HPS1: variants seen among roughly 807,000 people sequenced by gnomAD.
HPS1 encodes the protein HPS1 biogenesis of lysosomal organelles complex 3 subunit 1.
Under a neutral mutation model 90.6 loss-of-function variants are expected in HPS1, and 59 were observed. The ratio of observed to expected loss-of-function variants is 0.65; its 90% CI spans 0.53 to 0.81. HPS1 has a LOEUF of 0.81. Ranked by LOEUF, HPS1 falls within the 30% of genes least tolerant of loss-of-function variation. The pLI is 0.00. For missense variants in HPS1, 849 were observed against 896.7 expected (o/e 0.95, Z 0.68); for synonymous variants, 388 against 384.4 (o/e 1.01, Z -0.11).
Position 98,417,525 on chromosome 10 carries a change from G to A in HPS1, c.*39C>T, listed in dbSNP as rs1371551006. Reference sequence around the variant, plus strand: ...GGAACAGTGGCAAGCAAGGGTGGCTGGAGGACAGGATGCAAAGGCAGACTG... The same window carrying A: ...GGAACAGTGGCAAGCAAGGGTGGCTAGAGGACAGGATGCAAAGGCAGACTG... On this transcript the variant is annotated 3_prime_UTR_variant, in exon 20 of 20. Coordinates refer to ENST00000361490, the MANE Select transcript of HPS1 (RefSeq NM_000195.5). This position sits in a 1 kb window ranked among gnomAD's most constrained non-coding sequence, Gnocchi z 4.2. 6.3e-7 allele frequency: 1 copy of A among 1,576,288 alleles called. No individual in the cohort carries two copies. The highest frequency in any genetic ancestry group is 1.1e-5 in the South Asian group (1 of 88,268).
Position 98,425,556 on chromosome 10 carries a change from C to T in HPS1, c.1320G>A (p.Gly440=), listed in dbSNP as rs1845489879. 1 of 1,611,808 alleles carries T rather than the reference C, an allele frequency of 6.2e-7. No individual in the cohort carries two copies. The highest frequency in any genetic ancestry group is 1.3e-5 in the African/African-American group (1 of 75,038). The change falls in exon 13 of 20, where the codon GGG becomes GGA. Residue 440 remains glycine (G), a synonymous_variant. Coordinates refer to ENST00000361490, the MANE Select transcript of HPS1 (RefSeq NM_000195.5). ...QRMDKFVKNR[G]AQEIQSTWLE... ...TGGGTCTCACCTGAATCTCCTGTGC[C>T]CCTCGATTCTTGACAAACTTGTCCA... is the stretch of plus-strand genomic sequence containing the variant.
chr10:98,436,490 T>C (rs1847343028), intron 3 of HPS1, among the ~76,000 whole-genome samples: 1 of 152,246 alleles, frequency 6.6e-6, no homozygotes, highest in South Asian at 2.1e-4. Context: ...TTTCCCTCTA[T>C]TTTTAAGTAT....
rs11593787 is a variant in HPS1 at position 98,433,800 on chromosome 10, T to C, written c.507+183A>G. On this transcript the variant is annotated intron_variant, in intron 6 of 19. Coordinates refer to ENST00000361490, the MANE Select transcript of HPS1 (RefSeq NM_000195.5). ...TATCCAGGATCGAGCTGTTTTACCA[T>C]GGGAAAGCCCATCAGGGTACCCAAC... The C allele has an allele frequency of 0.15, 110,238 of 753,826 alleles. 9,040 individuals are homozygous for C. The highest frequency in any genetic ancestry group is 0.2 in the South Asian group (11,467 of 57,046). 46.7% of individuals were successfully genotyped at this position (753,826 alleles called of 1,614,324 possible). A position where few individuals can be genotyped will look rare whatever the true frequency, so the allele number is the denominator to read the frequency against.
At chr10:98,440,720 A>G (rs1011917904) in intron 3 of HPS1, among the ~76,000 whole-genome samples, 5 of 151,176 alleles carry the variant, frequency 3.3e-5, no homozygotes, top group African/African-American at 1.2e-4. Flanking sequence ...AATGTGTTGC[A>G]CATTAACAAA....
chr10:98,420,624 G>A (rs973843041), intron 17 of HPS1, among the ~76,000 whole-genome samples: 1 of 152,144 alleles, frequency 6.6e-6, no homozygotes, highest in Non-Finnish European at 1.5e-5. Flanking sequence ...GCTGAGATGA[G>A]AGGATCGCTT....
chr10:98,441,771 T>A (rs1342874576), intron 3 of HPS1, among the ~76,000 whole-genome samples: 2 of 152,216 alleles, frequency 1.3e-5, no homozygotes, highest in Non-Finnish European at 2.9e-5. Context: ...AAATGAAATT[T>A]AAAACACAGT....
chr10:98,417,654 G>T lies in HPS1; in HGVS notation c.2013C>A (p.His671Gln), dbSNP rs1844269097. 6.2e-7 allele frequency: 1 copy of T among 1,613,840 alleles called. No individual in the cohort carries two copies. Residue 671 changes from histidine to glutamine, a missense_variant, in exon 20 of 20, where the codon CAC becomes CAA. Physicochemically the swap from His to Gln is conservative, Grantham distance 24. Transcript: ENST00000361490. This position sits in a 1 kb window ranked among gnomAD's most constrained non-coding sequence, Gnocchi z 4.2. Reference sequence around the variant, plus strand: ...GCAGGTCAGTGGGGATGACAGACAGGTGCAGGGCCAGCAGCTCGTAGCACC... The same window carrying T: ...GCAGGTCAGTGGGGATGACAGACAGTTGCAGGGCCAGCAGCTCGTAGCACC... ...AVRCYELLALHLSVIPTDLLV... is the reference protein window; with the variant it reads ...AVRCYELLALQLSVIPTDLLV...
In HPS1 at chr10:98,435,385, A is replaced by G. The variant is rs762377415; in HGVS notation, c.285T>C (p.Asn95=). ...LFGECLFIAI[N]GDHTESEGDL... is the part of the protein sequence containing the mutation. ...CCCCCTCGCTCTCGGTGTGGTCACC[A>G]TTGATGGCAATGAACAGGCATTCTC... Residue 95 remains asparagine (N), a synonymous_variant, in exon 5 of 20, where the codon AAT becomes AAC. Coordinates refer to ENST00000361490, the MANE Select transcript of HPS1 (RefSeq NM_000195.5). This position sits in a 1 kb window ranked among gnomAD's most constrained non-coding sequence, Gnocchi z 4.3. The G allele has an allele frequency of 2.5e-6, 4 of 1,614,022 alleles. No homozygotes were observed. Among genetic ancestry groups the G allele is most frequent in the Non-Finnish European group, 3.4e-6 (4 of 1,180,022 alleles).
chr10:98,426,172 G>T, intron 11 of HPS1, 187 bp from the exon 12 acceptor site: 1 of 596,496 alleles, frequency 1.7e-6, no homozygotes, highest in Non-Finnish European at 3.0e-6. Context: ...TCCCTCAGCT[G>T]CTCCTGGGCC....
At chr10:98,426,734 T>G (rs2136164644) in intron 11 of HPS1, among the ~76,000 whole-genome samples, 1 of 139,470 alleles carries the variant, frequency 7.2e-6, no homozygotes. Context: ...AATACACATG[T>G]GTACATATGT....
chr10:98,435,414 A>G lies in HPS1; in HGVS notation c.256T>C (p.Phe86Leu), dbSNP rs1243807298. Residue 86 changes from phenylalanine (F) to leucine (L), a missense_variant and splice_region_variant, in exon 5 of 20, where the codon TTT (phenylalanine) becomes CTT (leucine). Coordinates refer to ENST00000361490, the MANE Select transcript of HPS1 (RefSeq NM_000195.5). This position sits in a 1 kb window ranked among gnomAD's most constrained non-coding sequence, Gnocchi z 4.3. The stretch of plus-strand genomic sequence containing the variant: ...ATGGCAATGAACAGGCATTCTCCAA[A>G]CTGCAGGCACAGGCAGGCCAGTGTC... ...NGNFLYVLHLFGECLFIAING... is the reference protein window; with the variant it reads ...NGNFLYVLHLLGECLFIAING... 6.2e-7 allele frequency: 1 copy of G among 1,613,470 alleles called. No homozygotes were observed. Among genetic ancestry groups the G allele is most frequent in the Non-Finnish European group, 8.5e-7 (1 of 1,179,950 alleles).
downstream of HPS1, chr10:98,414,736 T>A: frequency 2.4e-6 from 1 of 418,328 alleles, no homozygotes; most frequent in Non-Finnish European, 4.2e-6. Flanking sequence ...GCTCACCTAG[T>A]CTTCCTGTCA....
rs761602601 is a variant in HPS1 at position 98,417,773 on chromosome 10, T to C, written c.1941-47A>G. ...GGATTCAGGAGTGAGGCTGTGGCACTCCTCCAGCGCCAGAGGCCTCTCTGG... is the reference window on the plus strand; with the variant it reads ...GGATTCAGGAGTGAGGCTGTGGCACCCCTCCAGCGCCAGAGGCCTCTCTGG... On this transcript the variant is annotated intron_variant, in intron 19 of 19. Coordinates refer to ENST00000361490, the MANE Select transcript of HPS1 (RefSeq NM_000195.5). The surrounding 1 kb of genome is among the most constrained non-coding windows in gnomAD (Gnocchi z 4.2). 5 of 1,581,376 alleles carry C rather than the reference T, an allele frequency of 3.2e-6. No individual in the cohort carries two copies. In the African/African-American group the frequency reaches 6.7e-5, roughly 21 times the overall value.
At chr10:98,422,950 G>C (rs1845085809) in intron 16 of HPS1, among the ~76,000 whole-genome samples, 1 of 152,178 alleles carries the variant, frequency 6.6e-6, no homozygotes, top group Non-Finnish European at 1.5e-5. Flanking sequence ...CATTTGGGAG[G>C]GGAAGAGACA....
At position 98,430,580 on chromosome 10, in the gene HPS1, G is replaced by A. The variant is rs369730473; in HGVS notation, c.759C>T (p.Asp253=). The A allele has an allele frequency of 3.3e-5, 51 of 1,552,762 alleles. No individual in the cohort carries two copies. The highest frequency in any genetic ancestry group is 2.1e-4 in the African/African-American group (15 of 73,148). ...AAAGCTGCCCTGAGACCTGAATGTC[G>A]TCCTCTGCTGTGCTCTCGCTGGGGT... ...DLYPSESTAE[D]DIQPSPRRAR... is the part of the protein sequence containing the mutation. Residue 253 remains aspartate (D), a synonymous_variant, in exon 8 of 20, where the codon GAC becomes GAT. Transcript: ENST00000361490.
chr10:98,423,576 C>A, intron 16 of HPS1, 27 bp downstream of exon 16: 1 of 1,611,986 alleles, frequency 6.2e-7, no homozygotes, highest in African/African-American at 1.3e-5. Flanking sequence ...GCTTGTTGGG[C>A]TGGCTGGGGC....
intron 13 of HPS1, among the ~76,000 whole-genome samples, chr10:98,424,809 T>C (rs1486368278): frequency 6.6e-6 from 1 of 152,088 alleles, no homozygotes; most frequent in Non-Finnish European, 1.5e-5. Flanking sequence ...CTTGGTGTTC[T>C]AGTGAAAGTG....
At chr10:98,414,157 G>A (rs149916942), downstream of HPS1, 20 of 152,000 alleles carry the variant, frequency 1.3e-4, no homozygotes, top group African/African-American at 4.1e-4. Context: ...TGAGTGTTGA[G>A]TATCTACCAG....
Position 98,435,613 on chromosome 10 carries a change from G to C in HPS1, c.255+22C>G. 1 of 1,614,004 alleles carries C rather than the reference G, an allele frequency of 6.2e-7. No homozygotes were observed. Among genetic ancestry groups the C allele is most frequent in the Non-Finnish European group, 8.5e-7 (1 of 1,179,956 alleles). On this transcript the variant is annotated intron_variant, in intron 4 of 19. Transcript: ENST00000361490. This position sits in a 1 kb window ranked among gnomAD's most constrained non-coding sequence, Gnocchi z 4.3. ...ATCAAGCTGAGGGAAGAGGAACATG[G>C]GCCCCAGAGCTATAGACTCACCAGG...
Sources: gnomAD v4.1 joint callset for allele counts (sites outside exome capture counted in the v4.1 genomes callset) on GRCh38, gnomAD v4.1.1 for gene constraint, Gnocchi (gnomAD v3.1) non-coding constraint, MANE v1.5 for transcripts, NCBI Gene and HGNC (gene_info 2026-07-23, HGNC 2026-07-21) for gene names.